RANBP2: variants seen among roughly 807,000 people sequenced by gnomAD.
RANBP2 encodes E3 SUMO-protein ligase RanBP2.
RANBP2 carries 57 observed loss-of-function variants against 303.6 expected under a neutral mutation model. The ratio of observed to expected loss-of-function variants is 0.19; its 90% confidence interval spans 0.15 to 0.23. RANBP2 has a LOEUF of 0.23. Ranked by LOEUF, RANBP2 falls within the 10% of genes least tolerant of loss-of-function variation. RANBP2 has a pLI of 1.00. For synonymous variants in RANBP2, 1,167 were observed against 1,301.5 expected (o/e 0.90, Z 2.23); for missense variants, 3,138 against 3,780.8 (o/e 0.83, Z 4.46).
the RANBP2 span, among the ~76,000 whole-genome samples, chr2:109,687,836 C>T: frequency 6.6e-6 from 1 of 151,722 alleles, no homozygotes; most frequent in Non-Finnish European, 1.5e-5. Context: ...TCAGACCTCC[C>T]GGACTCAGGT....
At chr2:108,991,893 G>A in the RANBP2 span, among the ~76,000 whole-genome samples, 3 of 152,140 alleles carry the variant, frequency 2.0e-5, no homozygotes, top group Non-Finnish European at 2.9e-5. Flanking sequence ...TGGAACCTCT[G>A]CCTCCCAGGT....
At chr2:108,949,203 T>C in the RANBP2 span, among the ~76,000 whole-genome samples, 1 of 152,122 alleles carries the variant, frequency 6.6e-6, no homozygotes, top group Admixed American at 6.6e-5. Context: ...ACTGGTGGTG[T>C]ACTCCTGAGC....
chr2:108,911,208 CT>C, the RANBP2 span: 1 of 1,110,232 alleles, frequency 9.0e-7, no homozygotes, highest in Non-Finnish European at 1.3e-6. Flanking sequence ...GAGGTGCTTG[CT>C]TAGACTGAGA....
At chr2:108,816,345 G>C in the RANBP2 span, among the ~76,000 whole-genome samples, 3 of 152,126 alleles carry the variant, frequency 2.0e-5, no homozygotes, top group African/African-American at 7.2e-5. Flanking sequence ...CAGCTACTTG[G>C]GAGGCTGAGG....
chr2:109,083,556 G>A, the RANBP2 span, among the ~76,000 whole-genome samples: 1 of 152,074 alleles, frequency 6.6e-6, no homozygotes, highest in Non-Finnish European at 1.5e-5. Flanking sequence ...GGACACTTGG[G>A]ATGCACACTC....
the RANBP2 span, among the ~76,000 whole-genome samples, chr2:108,908,238 G>A: frequency 2.0e-5 from 3 of 152,142 alleles, no homozygotes; most frequent in Non-Finnish European, 4.4e-5. Context: ...AAACAAGTCC[G>A]TGGTGGGTGA....
At chr2:108,774,610 C>T (rs922352595) in intron 23 of RANBP2, among the ~76,000 whole-genome samples, 2 of 152,046 alleles carry the variant, frequency 1.3e-5, no homozygotes, top group Non-Finnish European at 2.9e-5. Flanking sequence ...AATGAAACCA[C>T]GTCTGGAGTT....
chr2:109,156,449 GT>G, the RANBP2 span, among the ~76,000 whole-genome samples: 1,188 of 145,090 alleles, frequency 8.2e-3, 19 homozygotes, highest in African/African-American at 0.026. Context: ...GAATTTTAAG[GT>G]TTTTTTTTTT....
At chr2:108,968,588 T>C in the RANBP2 span, among the ~76,000 whole-genome samples, 1 of 152,216 alleles carries the variant, frequency 6.6e-6, no homozygotes, top group East Asian at 1.9e-4. Context: ...AGTCTGTCTG[T>C]GGCGCCTCCT....
At chr2:109,649,940 C>A in the RANBP2 span, among the ~76,000 whole-genome samples, 1 of 152,204 alleles carries the variant, frequency 6.6e-6, no homozygotes, top group Non-Finnish European at 1.5e-5. Flanking sequence ...CCATTGGAGG[C>A]CACGGCCCCA....
chr2:108,826,944 A>G, the RANBP2 span, among the ~76,000 whole-genome samples: 1 of 152,260 alleles, frequency 6.6e-6, no homozygotes, highest in East Asian at 1.9e-4. Context: ...TTCAGGGTAT[A>G]AGTTTTGTAC....
the RANBP2 span, among the ~76,000 whole-genome samples, chr2:109,420,702 C>T: frequency 6.6e-6 from 1 of 152,158 alleles, no homozygotes; most frequent in African/African-American, 2.4e-5. Context: ...GCCTTGGCCT[C>T]CCTAAATGCT....
At chr2:108,804,747 A>G in the RANBP2 span, 1 of 594,006 alleles carries the variant, frequency 1.7e-6, no homozygotes, top group Non-Finnish European at 2.6e-6. Flanking sequence ...TACTTGCCAC[A>G]CTAGTCACTT....
chr2:109,335,251 G>A, the RANBP2 span, among the ~76,000 whole-genome samples: 51 of 152,322 alleles, frequency 3.3e-4, no homozygotes, highest in African/African-American at 1.1e-3. Context: ...AAGGCCCCTC[G>A]CCCGTCCCAC....
the RANBP2 span, among the ~76,000 whole-genome samples, chr2:108,950,168 G>C: frequency 1.3e-5 from 2 of 152,206 alleles, no homozygotes; most frequent in South Asian, 4.2e-4. Context: ...AGCCATCTAA[G>C]ATGTCATGTC....
the RANBP2 span, among the ~76,000 whole-genome samples, chr2:109,506,279 C>T: frequency 3.3e-5 from 5 of 152,244 alleles, no homozygotes; most frequent in South Asian, 2.1e-4. Context: ...ACCTGAACTG[C>T]GGAGGGGCGT....
At chr2:108,906,495 G>A in the RANBP2 span, 25 of 959,566 alleles carry the variant, frequency 2.6e-5, no homozygotes, top group Admixed American at 3.9e-5. Flanking sequence ...CACAGCCCCC[G>A]TGTCAGCAGC....
the RANBP2 span, among the ~76,000 whole-genome samples, chr2:108,904,395 G>A: frequency 2.0e-5 from 3 of 152,152 alleles, no homozygotes; most frequent in East Asian, 1.9e-4. Context: ...TTTAGAAAAC[G>A]GTTTGGCAGT....
At chr2:108,743,405 CT>C (rs1696273699) in intron 7 of RANBP2, among the ~76,000 whole-genome samples, 1 of 152,138 alleles carries the variant, frequency 6.6e-6, no homozygotes, top group South Asian at 2.1e-4. Context: ...AGCTCAGTAG[CT>C]GGGACTACAG....
Sources: gnomAD v4.1 joint callset for allele counts (sites outside exome capture counted in the v4.1 genomes callset) on GRCh38, gnomAD v4.1.1 for gene constraint, MANE v1.5 for transcripts, NCBI Gene and HGNC (gene_info 2026-07-23, HGNC 2026-07-21) for gene names.